The following LYPD6 variants were observed in gnomAD, a reference collection of about 807,000 sequenced individuals.
LYPD6 encodes ly6/PLAUR domain-containing protein 6.
In LYPD6, 15 loss-of-function variants were observed where a neutral mutation model predicts 22.7. The ratio of observed to expected loss-of-function variants is 0.66; its 90% CI spans 0.44 to 1.02. The LOEUF (loss-of-function observed/expected upper bound fraction) is 1.02, where lower values mean the gene tolerates loss of function less well. Among genes scored for constraint, LYPD6 ranks in the 50% least tolerant of loss-of-function variants. The pLI, the probability that LYPD6 is intolerant of heterozygous loss-of-function variation, is 0.00. For synonymous variants in LYPD6, 72 were observed against 77.5 expected (o/e 0.93, Z 0.37); for missense variants, 189 against 208.4 (o/e 0.91, Z 0.57).
chr2:149,366,784 C>G lies in LYPD6; in HGVS notation c.-72+36062C>G, dbSNP rs553025649. Among the ~76,000 whole-genome samples the G allele has an allele frequency of 7.9e-5, 12 of 152,294 alleles. No homozygotes were observed. The South Asian group carries it at 2.3e-3, about 29-fold the overall frequency. Reference sequence around the variant, plus strand: ...ACCATGAATGCTAACACACATCTAGCAAATTTAGTAAGATTTAAAAGTTAA... The same window carrying G: ...ACCATGAATGCTAACACACATCTAGGAAATTTAGTAAGATTTAAAAGTTAA... On this transcript the variant is annotated intron_variant, in intron 1 of 4. Coordinates refer to ENST00000334166, the MANE Select transcript of LYPD6 (RefSeq NM_194317.5).
chr2:149,355,317 A>G lies in LYPD6; in HGVS notation c.-72+24595A>G, dbSNP rs114676460. On this transcript the variant is annotated intron_variant, in intron 1 of 4. Coordinates refer to ENST00000334166, the MANE Select transcript of LYPD6 (RefSeq NM_194317.5). Reference sequence around the variant, plus strand: ...CATAGTTTACACTGATATGATTGGAATTAAATCAGCCTCAGTTGTCAGTTC... The same window carrying G: ...CATAGTTTACACTGATATGATTGGAGTTAAATCAGCCTCAGTTGTCAGTTC... 8.8e-3 allele frequency among the ~76,000 whole-genome samples: 1,342 copies of G among 152,310 alleles called. 23 individuals carry two copies. Among genetic ancestry groups the G allele is most frequent in the African/African-American group, 0.031 (1,287 of 41,564 alleles).
intron 1 of LYPD6, among the ~76,000 whole-genome samples, chr2:149,425,486 T>C (rs189808474): frequency 6.6e-6 from 1 of 152,302 alleles, no homozygotes; most frequent in African/African-American, 2.4e-5. Flanking sequence ...AATTTTCTTA[T>C]CCATAGGAGG....
intron 1 of LYPD6, among the ~76,000 whole-genome samples, chr2:149,349,303 C>G (rs972141165): frequency 6.6e-6 from 1 of 152,060 alleles, no homozygotes; most frequent in Admixed American, 6.6e-5. Flanking sequence ...AATGAAGTTG[C>G]AGTTGTGTGC....
chr2:149,456,080 A>G (rs1680951465), intron 3 of LYPD6, among the ~76,000 whole-genome samples: 1 of 152,206 alleles, frequency 6.6e-6, no homozygotes, highest in African/African-American at 2.4e-5. Flanking sequence ...TTTTTAAAAG[A>G]TCTATGGAGA....
intron 3 of LYPD6, among the ~76,000 whole-genome samples, chr2:149,454,097 T>C (rs1035434012): frequency 2.6e-5 from 4 of 152,252 alleles, no homozygotes; most frequent in African/African-American, 4.8e-5. Flanking sequence ...GTTTTTCAGA[T>C]GATCTCTCAT....
intron 1 of LYPD6, among the ~76,000 whole-genome samples, chr2:149,376,538 A>G (rs1296802321): frequency 6.6e-6 from 1 of 152,158 alleles, no homozygotes; most frequent in Non-Finnish European, 1.5e-5. Flanking sequence ...GTAAAATACT[A>G]CTAATAATAA....
At chr2:149,379,699 G>A (rs1283400102) in intron 1 of LYPD6, among the ~76,000 whole-genome samples, 3 of 152,128 alleles carry the variant, frequency 2.0e-5, no homozygotes, top group Admixed American at 6.5e-5. Context: ...AATAAGGCAA[G>A]GACTAGACAT....
intron 1 of LYPD6, among the ~76,000 whole-genome samples, chr2:149,352,978 G>T (rs1216354343): frequency 6.6e-6 from 1 of 152,198 alleles, no homozygotes; most frequent in Non-Finnish European, 1.5e-5. Context: ...GAACACTTGA[G>T]CAGATCTCAA....
intron 3 of LYPD6, among the ~76,000 whole-genome samples, chr2:149,461,129 AATG>A (rs1211302661): frequency 2.0e-5 from 3 of 152,022 alleles, no homozygotes; most frequent in Admixed American, 6.6e-5. Context: ...AGGAAATAAT[AATG>A]ATAAGAATAA....
At chr2:149,344,371 A>T (rs1681215694) in intron 1 of LYPD6, among the ~76,000 whole-genome samples, 1 of 152,238 alleles carries the variant, frequency 6.6e-6, no homozygotes, top group South Asian at 2.1e-4. Flanking sequence ...GCAGTCAAAA[A>T]GCAAACAATA....
chr2:149,395,896 T>C (rs1464962297), intron 1 of LYPD6, among the ~76,000 whole-genome samples: 1 of 152,224 alleles, frequency 6.6e-6, no homozygotes, highest in Non-Finnish European at 1.5e-5. Context: ...GTGCATTTGT[T>C]GCTCTCATGA....
At chr2:149,416,540 T>C (rs1682966822) in intron 1 of LYPD6, among the ~76,000 whole-genome samples, 1 of 152,198 alleles carries the variant, frequency 6.6e-6, no homozygotes, top group African/African-American at 2.4e-5. Flanking sequence ...CAGGGTGCCC[T>C]CGTGGCAGCT....
intron 1 of LYPD6, among the ~76,000 whole-genome samples, chr2:149,414,300 A>G (rs965635657): frequency 6.6e-6 from 1 of 152,226 alleles, no homozygotes; most frequent in African/African-American, 2.4e-5. Flanking sequence ...TGTATTTTTA[A>G]TACTCACTGT....
intron 1 of LYPD6, among the ~76,000 whole-genome samples, chr2:149,356,342 A>G (rs1484105195): frequency 6.6e-6 from 1 of 152,222 alleles, no homozygotes; most frequent in Non-Finnish European, 1.5e-5. Context: ...ACCACATTGT[A>G]CAAAGTTGTC....
intron 2 of LYPD6, among the ~76,000 whole-genome samples, chr2:149,438,948 G>A (rs1573808839): frequency 6.6e-6 from 1 of 152,204 alleles, no homozygotes; most frequent in East Asian, 1.9e-4. Flanking sequence ...CTGAGTGTGA[G>A]ACATAGGAAA....
At chr2:149,374,115 G>A (rs1191022723) in intron 1 of LYPD6, among the ~76,000 whole-genome samples, 1 of 152,124 alleles carries the variant, frequency 6.6e-6, no homozygotes, top group Admixed American at 6.5e-5. Context: ...AGTATCCTTG[G>A]AGGCTAAATG....
rs1352781266 is a variant in LYPD6, at chr2:149,456,997, A to G, written c.217+7850A>G. On this transcript the variant is annotated intron_variant, in intron 3 of 4. Coordinates refer to ENST00000334166, the MANE Select transcript of LYPD6 (RefSeq NM_194317.5). ...TTCATTCTCATTGTTATGGGAACAG[A>G]TACTATAATTTATTCATTCTGTCGC... Among the ~76,000 whole-genome samples the G allele has an allele frequency of 2.6e-5, 4 of 152,212 alleles. No homozygotes were observed. The East Asian group carries it at 7.7e-4, about 29-fold the overall frequency.
intron 1 of LYPD6, among the ~76,000 whole-genome samples, chr2:149,379,108 T>C (rs1682001635): frequency 6.6e-6 from 1 of 152,096 alleles, no homozygotes; most frequent in Admixed American, 6.5e-5. Flanking sequence ...AAACCAAAGT[T>C]TGTGTTGGTT....
At chr2:149,475,029 AG>A (rs1353891966), downstream of LYPD6, among the ~76,000 whole-genome samples, 2 of 152,192 alleles carry the variant, frequency 1.3e-5, no homozygotes, top group African/African-American at 2.4e-5. Context: ...GGCCTCCCAA[AG>A]GGGTTTTAAA....
Sources: allele counts gnomAD v4.1 joint callset (sites outside exome capture counted in the v4.1 genomes callset), GRCh38; gene constraint gnomAD v4.1.1; transcripts MANE v1.5; gene names NCBI Gene and HGNC (gene_info 2026-07-23, HGNC 2026-07-21).